The following RFX4 variants were observed in gnomAD, a reference collection of about 807,000 sequenced individuals.
The protein encoded by RFX4 is regulatory factor X4.
RFX4 carries 10 observed loss-of-function variants against 95.0 expected under a neutral mutation model. The observed-to-expected ratio is 0.11, with a 90% confidence interval of 0.06 to 0.18. The LOEUF is 0.18. RFX4 is among the 10% of genes least tolerant of loss of function. RFX4 has a pLI of 1.00. For missense variants in RFX4, 640 were observed against 922.0 expected (o/e 0.69, Z 3.96); for synonymous variants, 321 against 340.7 (o/e 0.94, Z 0.64).
rs1405682441 is a variant in RFX4, at chr12:106,644,527, C to A, written c.191+5135C>A. Among the ~76,000 whole-genome samples, 3 of 152,284 alleles carry A rather than the reference C, an allele frequency of 2.0e-5. No homozygotes were observed. In the East Asian group the frequency reaches 5.8e-4, roughly 29 times the overall value. On this transcript the variant is annotated intron_variant, in intron 3 of 17. Transcript: ENST00000392842. ...GGATTACAGGCATGAGCCACCCCAC[C>A]CGGCGCCACTTCCCTTTTGATGAAC...
intron 1 of RFX4, chr12:106,601,381 T>C: frequency 1.3e-6 from 2 of 1,554,056 alleles, no homozygotes; most frequent in Non-Finnish European, 1.7e-6. Context: ...GAGACTGGGG[T>C]GGGCCTGGCA....
At chr12:106,585,363 T>A (rs549551645) in intron 1 of RFX4, among the ~76,000 whole-genome samples, 1 of 152,280 alleles carries the variant, frequency 6.6e-6, no homozygotes, top group East Asian at 1.9e-4. Flanking sequence ...TGAAATGAAA[T>A]CCTTTCCCCA....
chr12:106,696,144 C>T, intron 7 of RFX4, 139 bp from the exon 8 acceptor site: 1 of 954,768 alleles, frequency 1.0e-6, no homozygotes, highest in Non-Finnish European at 1.6e-6. Context: ...TACAACATGG[C>T]AGGCTGGGGG....
intron 3 of RFX4, among the ~76,000 whole-genome samples, chr12:106,653,289 A>G (rs1224930518): frequency 6.6e-6 from 1 of 152,230 alleles, no homozygotes; most frequent in Non-Finnish European, 1.5e-5. Flanking sequence ...TATTTAGCAC[A>G]CGGTCAGGAC....
chr12:106,602,887 G>A (rs1033484608), intron 1 of RFX4, among the ~76,000 whole-genome samples: 2 of 152,154 alleles, frequency 1.3e-5, no homozygotes, highest in Non-Finnish European at 2.9e-5. Flanking sequence ...TACTGAACAA[G>A]ATAGACAAGG....
intron 9 of RFX4, 141 bp downstream of exon 9, chr12:106,709,571 T>A (rs1041956603): frequency 5.1e-6 from 3 of 589,066 alleles, no homozygotes; most frequent in Non-Finnish European, 8.7e-6. Context: ...TTACTTTACA[T>A]ATGTAAATAT....
At chr12:106,662,677 G>A (rs964297733) in intron 4 of RFX4, among the ~76,000 whole-genome samples, 13 of 152,022 alleles carry the variant, frequency 8.6e-5, no homozygotes, top group African/African-American at 2.9e-4. Context: ...TTGTCTTCTA[G>A]GTGTTTTACA....
chr12:106,620,795 C>A (rs1183068191), intron 2 of RFX4, among the ~76,000 whole-genome samples: 3 of 152,034 alleles, frequency 2.0e-5, no homozygotes, highest in Non-Finnish European at 4.4e-5. Flanking sequence ...TTATCTCAAC[C>A]ACATAAGACA....
intron 4 of RFX4, among the ~76,000 whole-genome samples, chr12:106,658,785 G>A (rs2041012263): frequency 6.6e-6 from 1 of 152,170 alleles, no homozygotes; most frequent in Non-Finnish European, 1.5e-5. Context: ...TTAGCTGAGA[G>A]ATGTGCTCTC....
At chr12:106,599,145 G>A (rs566073269) in intron 1 of RFX4, among the ~76,000 whole-genome samples, 10 of 150,304 alleles carry the variant, frequency 6.7e-5, no homozygotes, top group Admixed American at 2.0e-4. Context: ...TTTGTGCATC[G>A]TTGGGAGTTT....
At chr12:106,664,065 A>G (rs754385031) in intron 4 of RFX4, among the ~76,000 whole-genome samples, 1 of 151,806 alleles carries the variant, frequency 6.6e-6, no homozygotes, top group Non-Finnish European at 1.5e-5. Flanking sequence ...GTAACAGCTG[A>G]CTTCATAGAA....
At chr12:106,661,139 T>C (rs1349173383) in intron 4 of RFX4, among the ~76,000 whole-genome samples, 1 of 152,226 alleles carries the variant, frequency 6.6e-6, no homozygotes, top group African/African-American at 2.4e-5. Flanking sequence ...CACCATGTGA[T>C]GATGGGCAGG....
intron 5 of RFX4, chr12:106,682,818 T>A (rs2041547234): frequency 1.3e-5 from 2 of 152,192 alleles, no homozygotes; most frequent in African/African-American, 4.8e-5. Flanking sequence ...GGGAAGGGAA[T>A]CTCTTCCTGT....
intron 15 of RFX4, among the ~76,000 whole-genome samples, chr12:106,742,098 G>A (rs1261557180): frequency 6.6e-6 from 1 of 152,152 alleles, no homozygotes; most frequent in African/African-American, 2.4e-5. Flanking sequence ...AAAAAAAAGG[G>A]TACAGCCAGG....
chr12:106,586,777 G>A lies in RFX4; in HGVS notation c.43+3414G>A, dbSNP rs2039463816. Among the ~76,000 whole-genome samples, 2 of 152,232 alleles carry A rather than the reference G, an allele frequency of 1.3e-5. No homozygotes were observed. The highest frequency in any genetic ancestry group is 4.1e-4 in the South Asian group (2 of 4,830). ...TATGCCTTTGTGGGCCCGGGGTAGG[G>A]ATGTCCAGTGGCCTTGGCGCCGTGC... On this transcript the variant is annotated intron_variant, in intron 1 of 17. Coordinates refer to ENST00000392842, the MANE Select transcript of RFX4 (RefSeq NM_213594.3). This position sits in a 1 kb window ranked among gnomAD's most constrained non-coding sequence, Gnocchi z 5.6.
intron 1 of RFX4, among the ~76,000 whole-genome samples, chr12:106,607,797 G>C (rs1043172356): frequency 1.3e-5 from 2 of 151,950 alleles, no homozygotes; most frequent in Non-Finnish European, 2.9e-5. Flanking sequence ...ATGGTGGGTG[G>C]TCTAGAAAAC....
Position 106,649,643 on chromosome 12 carries a change from C to T in RFX4, c.192-4585C>T, listed in dbSNP as rs1592895885. 2.0e-5 allele frequency among the ~76,000 whole-genome samples: 3 copies of T among 152,200 alleles called. No homozygotes were observed. In the East Asian group the frequency reaches 5.8e-4, roughly 29 times the overall value. On this transcript the variant is annotated intron_variant, in intron 3 of 17. Coordinates refer to ENST00000392842, the MANE Select transcript of RFX4 (RefSeq NM_213594.3). ...TTGTATTTTAATCTTGACCTCTTGG[C>T]CAGATTTAGTAAGCACACAAGCCAC...
chr12:106,589,183 A>G (rs752713507), intron 1 of RFX4, among the ~76,000 whole-genome samples: 1 of 152,184 alleles, frequency 6.6e-6, no homozygotes, highest in Non-Finnish European at 1.5e-5. Context: ...GAGAGAATGA[A>G]CTTGAAGAGT....
At chr12:106,714,548 T>A (rs1160993437) in intron 10 of RFX4, among the ~76,000 whole-genome samples, 1 of 151,632 alleles carries the variant, frequency 6.6e-6, no homozygotes, top group African/African-American at 2.4e-5. Context: ...TGTATTTTAA[T>A]TTTTTTTATT....
Sources: allele counts gnomAD v4.1 joint callset (sites outside exome capture counted in the v4.1 genomes callset), GRCh38; gene constraint gnomAD v4.1.1; non-coding constraint Gnocchi (gnomAD v3.1); transcripts MANE v1.5; gene names NCBI Gene and HGNC (gene_info 2026-07-23, HGNC 2026-07-21).